The following HGD variants were observed in gnomAD, a reference collection of about 807,000 sequenced individuals.
HGD encodes homogentisate oxidase.
Under a neutral mutation model 60.8 loss-of-function variants are expected in HGD, and 61 were observed. The observed-to-expected ratio is 1.00, with a 90% CI of 0.82 to 1.24. The LOEUF is 1.24. Among genes scored for constraint, HGD ranks in the 50% most tolerant of loss-of-function variants. The pLI is 0.00. For synonymous variants in HGD, 212 were observed against 187.7 expected, an observed-to-expected ratio of 1.13 and a Z score of -1.06; for missense variants, 542 against 547.1, an observed-to-expected ratio of 0.99 and a Z score of 0.09.
chr3:120,635,835 C>T (rs548374440), intron 12 of HGD, among the ~76,000 whole-genome samples: 1 of 152,102 alleles, frequency 6.6e-6, no homozygotes, highest in East Asian at 1.9e-4. Flanking sequence ...GGTTGAGACC[C>T]TATAGCACAG....
chr3:120,655,025 C>G (rs1486100612), intron 4 of HGD, among the ~76,000 whole-genome samples: 1 of 152,118 alleles, frequency 6.6e-6, no homozygotes, highest in Admixed American at 6.5e-5. Context: ...GAGCCAAGAC[C>G]TCACCATTGC....
At chr3:120,676,677 T>C (rs966326329) in intron 1 of HGD, among the ~76,000 whole-genome samples, 1 of 152,242 alleles carries the variant, frequency 6.6e-6, no homozygotes, top group African/African-American at 2.4e-5. Flanking sequence ...TAAGTGTATG[T>C]GTGCTGCTGT....
chr3:120,672,920 A>G (rs1431313049), intron 3 of HGD, among the ~76,000 whole-genome samples: 4 of 152,218 alleles, frequency 2.6e-5, no homozygotes, highest in African/African-American at 7.2e-5. Context: ...CAAGGGATCA[A>G]TCAGCTAGCT....
chr3:120,679,129 C>A (rs1708186376), intron 1 of HGD, among the ~76,000 whole-genome samples: 1 of 152,220 alleles, frequency 6.6e-6, no homozygotes, highest in Non-Finnish European at 1.5e-5. Flanking sequence ...CTCCATGTGA[C>A]TTCAGTACCA....
intron 13 of HGD, among the ~76,000 whole-genome samples, chr3:120,632,040 A>G (rs1041765210): frequency 6.6e-6 from 1 of 152,162 alleles, no homozygotes; most frequent in Non-Finnish European, 1.5e-5. Flanking sequence ...AGCTTAACTG[A>G]GACTGCCAGA....
intron 4 of HGD, among the ~76,000 whole-genome samples, chr3:120,669,447 G>GCA (rs59426684): frequency 0.12 from 16,921 of 145,584 alleles, 986 homozygotes; most frequent in East Asian, 0.21. Context: ...GTGCGCATGT[G>GCA]CACACACACA....
rs1317168020 is a variant in HGD, at chr3:120,650,762, T to C, written c.434+12A>G. 1.9e-6 allele frequency: 3 copies of C among 1,604,256 alleles called. No individual in the cohort carries two copies. Among genetic ancestry groups the C allele is most frequent in the Non-Finnish European group, 8.5e-7 (1 of 1,171,028 alleles). Reference sequence around the variant, plus strand: ...AGATGGGCATGTCCTTCCCTAGAACTGAGCCACTTACCTGTTCTCCATGGA... The same window carrying C: ...AGATGGGCATGTCCTTCCCTAGAACCGAGCCACTTACCTGTTCTCCATGGA... On this transcript the variant is annotated intron_variant, in intron 6 of 13. Coordinates refer to ENST00000283871, the MANE Select transcript of HGD (RefSeq NM_000187.4).
chr3:120,649,949 G>C (rs1941287575), intron 6 of HGD, among the ~76,000 whole-genome samples: 1 of 152,072 alleles, frequency 6.6e-6, no homozygotes, highest in African/African-American at 2.4e-5. Flanking sequence ...CTAGGTCACA[G>C]CTCAGTTCCT....
chr3:120,675,967 T>G, intron 1 of HGD, 104 bp from the exon 2 acceptor site: 2 of 805,768 alleles, frequency 2.5e-6, no homozygotes, highest in South Asian at 2.7e-5. Flanking sequence ...GACCTATGTT[T>G]GTGTATGATG....
At chr3:120,633,006 A>T (rs1261834330) in intron 13 of HGD, 141 bp downstream of exon 13, 1 of 738,512 alleles carries the variant, frequency 1.4e-6, no homozygotes, top group Admixed American at 2.1e-5. Context: ...GTATATATAC[A>T]TGTAAACATA....
At chr3:120,658,633 C>T (rs914944624) in intron 4 of HGD, among the ~76,000 whole-genome samples, 1 of 152,238 alleles carries the variant, frequency 6.6e-6, no homozygotes, top group Admixed American at 6.5e-5. Context: ...CTCCACTAGG[C>T]AATGCCCCAG....
intron 13 of HGD, among the ~76,000 whole-genome samples, chr3:120,629,613 T>C (rs1486505097): frequency 6.6e-6 from 1 of 152,132 alleles, no homozygotes; most frequent in African/African-American, 2.4e-5. Context: ...AACTAGGCAT[T>C]GAAGGAACAC....
chr3:120,644,700 T>C (rs565205478), intron 9 of HGD: 7 of 1,134,118 alleles, frequency 6.2e-6, no homozygotes, highest in Admixed American at 2.1e-5. Context: ...CAATCTTATA[T>C]GCATTATCTT....
At chr3:120,649,299 C>T (rs191764790) in intron 6 of HGD, among the ~76,000 whole-genome samples, 4 of 151,682 alleles carry the variant, frequency 2.6e-5, no homozygotes, top group Admixed American at 1.3e-4. Context: ...CCCACCACCA[C>T]GCCCGGCTAA....
chr3:120,678,335 C>T (rs1418265491), intron 1 of HGD, among the ~76,000 whole-genome samples: 1 of 152,180 alleles, frequency 6.6e-6, no homozygotes, highest in Non-Finnish European at 1.5e-5. Flanking sequence ...GAATTTTAGA[C>T]CAGCCTGTGA....
chr3:120,654,214 A>G (rs1011558346), intron 4 of HGD, among the ~76,000 whole-genome samples: 3 of 152,182 alleles, frequency 2.0e-5, no homozygotes, highest in African/African-American at 7.2e-5. Flanking sequence ...AGAAAGAGTC[A>G]TCTTTCTGGA....
chr3:120,659,279 C>A (rs1241513450), intron 4 of HGD, among the ~76,000 whole-genome samples: 1 of 151,958 alleles, frequency 6.6e-6, no homozygotes. Flanking sequence ...TAAGTTCCAA[C>A]TTCAGGTCAT....
chr3:120,677,241 T>C (rs950366398), intron 1 of HGD, among the ~76,000 whole-genome samples: 1 of 152,200 alleles, frequency 6.6e-6, no homozygotes, highest in Non-Finnish European at 1.5e-5. Context: ...GTTCAGGGAA[T>C]AAGAGAGATA....
chr3:120,670,599 T>C, intron 3 of HGD, 67 bp from the exon 4 acceptor site: 1 of 908,648 alleles, frequency 1.1e-6, no homozygotes, highest in Non-Finnish European at 1.9e-6. Flanking sequence ...ACAGAATGGC[T>C]CAGGCAGTAC....
Sources: gnomAD v4.1 joint callset for allele counts (sites outside exome capture counted in the v4.1 genomes callset) on GRCh38, gnomAD v4.1.1 for gene constraint, MANE v1.5 for transcripts, NCBI Gene and HGNC (gene_info 2026-07-23, HGNC 2026-07-21) for gene names.